Variants in MBOAT2 observed in about 807,000 individuals in gnomAD.
The protein encoded by MBOAT2 is membrane bound glycerophospholipid O-acyltransferase 2.
In MBOAT2, 28 loss-of-function variants were observed where a neutral mutation model predicts 63.4. That is an observed-to-expected ratio of 0.44 (90% confidence interval 0.33 to 0.61). The LOEUF (loss-of-function observed/expected upper bound fraction) is 0.61. MBOAT2 is among the 20% of genes least tolerant of loss of function. MBOAT2 has a pLI of 0.03. For synonymous variants in MBOAT2, 211 were observed against 215.6 expected, an observed-to-expected ratio of 0.98 and a Z score of 0.19; for missense variants, 470 against 605.8, an observed-to-expected ratio of 0.78 and a Z score of 2.35.
At chr2:8,894,104 C>T (rs1475669546) in intron 4 of MBOAT2, among the ~76,000 whole-genome samples, 1 of 152,104 alleles carries the variant, frequency 6.6e-6, no homozygotes, top group South Asian at 2.1e-4. Flanking sequence ...CTCCCCTAGC[C>T]CCCACCCGCC....
At chr2:8,952,956 T>C (rs1452997299) in intron 2 of MBOAT2, among the ~76,000 whole-genome samples, 1 of 152,224 alleles carries the variant, frequency 6.6e-6, no homozygotes, top group African/African-American at 2.4e-5. Flanking sequence ...GTGGAGCATG[T>C]AGGTCATTTA....
intron 2 of MBOAT2, among the ~76,000 whole-genome samples, chr2:8,956,215 G>A (rs1573162091): frequency 6.6e-6 from 1 of 152,108 alleles, no homozygotes; most frequent in South Asian, 2.1e-4. Flanking sequence ...TAGCAGATAC[G>A]ATTGCCTTTG....
chr2:8,966,045 A>G (rs1558663891), intron 1 of MBOAT2, among the ~76,000 whole-genome samples: 1 of 152,216 alleles, frequency 6.6e-6, no homozygotes, highest in African/African-American at 2.4e-5. Context: ...CGGATTTTTG[A>G]TAACATATTC....
chr2:8,979,807 A>T (rs1019709462), intron 1 of MBOAT2, among the ~76,000 whole-genome samples: 1 of 152,166 alleles, frequency 6.6e-6, no homozygotes, highest in South Asian at 2.1e-4. Context: ...GGTGTGATCA[A>T]CAAAGATTCT....
intron 1 of MBOAT2, among the ~76,000 whole-genome samples, chr2:8,999,690 C>A (rs1672553707): frequency 6.6e-6 from 1 of 152,186 alleles, no homozygotes; most frequent in African/African-American, 2.4e-5. Context: ...CTCCTCAAAA[C>A]CCACTCTCCA....
intron 4 of MBOAT2, among the ~76,000 whole-genome samples, chr2:8,889,185 C>G (rs1264912529): frequency 6.6e-6 from 1 of 152,214 alleles, no homozygotes; most frequent in East Asian, 1.9e-4. Context: ...GGGTCTAGTT[C>G]TGACCTGCTC....
At chr2:8,891,797 G>A (rs1403549818) in intron 4 of MBOAT2, among the ~76,000 whole-genome samples, 1 of 152,182 alleles carries the variant, frequency 6.6e-6, no homozygotes, top group African/African-American at 2.4e-5. Flanking sequence ...TGAGGTCAGG[G>A]CCTCAGGATG....
chr2:8,883,660 C>T (rs548506603), intron 5 of MBOAT2, among the ~76,000 whole-genome samples: 6 of 152,286 alleles, frequency 3.9e-5, no homozygotes, highest in African/African-American at 1.4e-4. Context: ...CCAAGAGGAA[C>T]TCACATCATC....
At chr2:8,880,748 T>C (rs1380488223) in intron 6 of MBOAT2, among the ~76,000 whole-genome samples, 2 of 152,256 alleles carry the variant, frequency 1.3e-5, no homozygotes, top group Non-Finnish European at 1.5e-5. Flanking sequence ...GGGAGTGTCC[T>C]GGAAGGAAGT....
At chr2:8,983,209 CA>C (rs1441812030) in intron 1 of MBOAT2, among the ~76,000 whole-genome samples, 1 of 152,060 alleles carries the variant, frequency 6.6e-6, no homozygotes, top group Non-Finnish European at 1.5e-5. Context: ...ATGTAAAATA[CA>C]TATTTTCACA....
intron 2 of MBOAT2, among the ~76,000 whole-genome samples, chr2:8,957,374 G>A (rs1403907583): frequency 6.6e-6 from 1 of 152,138 alleles, no homozygotes; most frequent in Non-Finnish European, 1.5e-5. Flanking sequence ...TTATTTAAGA[G>A]GTCATATTTA....
intron 3 of MBOAT2, among the ~76,000 whole-genome samples, chr2:8,911,707 G>A (rs1199368204): frequency 6.6e-6 from 1 of 152,084 alleles, no homozygotes; most frequent in Non-Finnish European, 1.5e-5. Context: ...CTCTGGCCAC[G>A]TGGTCTCTGC....
intron 3 of MBOAT2, among the ~76,000 whole-genome samples, chr2:8,929,936 A>G (rs1478054194): frequency 3.3e-5 from 5 of 152,186 alleles, no homozygotes; most frequent in African/African-American, 1.2e-4. Flanking sequence ...CTTCCCCAAG[A>G]AAGCTATAAA....
chr2:8,971,976 C>G (rs1670486233), intron 1 of MBOAT2, among the ~76,000 whole-genome samples: 1 of 152,222 alleles, frequency 6.6e-6, no homozygotes, highest in East Asian at 1.9e-4. Context: ...CCGTCCCCAT[C>G]AAGCTACCAA....
intron 4 of MBOAT2, among the ~76,000 whole-genome samples, chr2:8,890,307 C>T (rs556657051): frequency 9.2e-5 from 14 of 152,248 alleles, no homozygotes; most frequent in East Asian, 7.7e-4. Context: ...CACACACACG[C>T]GCGCACGCAA....
intron 1 of MBOAT2, among the ~76,000 whole-genome samples, chr2:8,999,619 ATGT>A (rs1672548171): frequency 6.6e-6 from 1 of 152,322 alleles, no homozygotes; most frequent in Non-Finnish European, 1.5e-5. Flanking sequence ...GTGATTCCTG[ATGT>A]TGTCTAAACA....
chr2:8,940,303 T>C (rs1667961540), intron 3 of MBOAT2, among the ~76,000 whole-genome samples: 1 of 152,180 alleles, frequency 6.6e-6, no homozygotes, highest in Non-Finnish European at 1.5e-5. Flanking sequence ...TTCCTCTCTC[T>C]TTTTTTGAGA....
intron 4 of MBOAT2, among the ~76,000 whole-genome samples, chr2:8,890,795 A>G (rs1270570271): frequency 1.3e-5 from 2 of 152,222 alleles, no homozygotes; most frequent in African/African-American, 2.4e-5. Context: ...TACTGAACTT[A>G]CAGGTGTGAG....
At chr2:8,952,052 T>A (rs1431315393) in intron 2 of MBOAT2, among the ~76,000 whole-genome samples, 1 of 152,160 alleles carries the variant, frequency 6.6e-6, no homozygotes, top group Non-Finnish European at 1.5e-5. Context: ...TTGAGGTGGG[T>A]GTTTAACACT....
Sources: gnomAD v4.1 joint callset for allele counts (sites outside exome capture counted in the v4.1 genomes callset) on GRCh38, gnomAD v4.1.1 for gene constraint, MANE v1.5 for transcripts, NCBI Gene and HGNC (gene_info 2026-07-23, HGNC 2026-07-21) for gene names.